Variants in PRSS23 observed in about 807,000 individuals in gnomAD.
PRSS23 encodes serine protease 23, also known as protease, serine 23.
In PRSS23, 25 loss-of-function variants were observed where a neutral mutation model predicts 34.7. The ratio of observed to expected loss-of-function variants is 0.72; its 90% CI spans 0.53 to 1.01. The LOEUF (loss-of-function observed/expected upper bound fraction) is 1.01. Among genes scored for constraint, PRSS23 ranks in the 50% least tolerant of loss-of-function variants. The pLI is 0.00. For missense variants in PRSS23, 445 were observed against 475.6 expected (o/e 0.94, Z 0.60); for synonymous variants, 176 against 186.6 (o/e 0.94, Z 0.46).
chr11:86,873,484 T>C (rs943470540), intron 2 of PRSS23, among the ~76,000 whole-genome samples: 3 of 151,672 alleles, frequency 2.0e-5, no homozygotes, highest in Non-Finnish European at 2.9e-5. Context: ...GGTTTTCCTA[T>C]GTTGGCCAGG....
chr11:86,937,881 C>T (rs1189583128), intron 2 of PRSS23: 2 of 152,122 alleles, frequency 1.3e-5, no homozygotes, highest in Admixed American at 6.5e-5. Flanking sequence ...GGTCTGGATC[C>T]GGACCCCTTT....
intron 2 of PRSS23, among the ~76,000 whole-genome samples, chr11:86,847,476 AG>A (rs1403542691): frequency 6.6e-6 from 1 of 152,200 alleles, no homozygotes; most frequent in Non-Finnish European, 1.5e-5. Flanking sequence ...TGGTAGATGG[AG>A]AGCTCAGGAA....
At chr11:86,931,940 A>G (rs1949128952) in intron 2 of PRSS23, among the ~76,000 whole-genome samples, 1 of 152,190 alleles carries the variant, frequency 6.6e-6, no homozygotes. Flanking sequence ...CAAATAAAAT[A>G]ACATGTATAA....
chr11:86,816,729 G>T (rs1445018594), intron 1 of PRSS23, among the ~76,000 whole-genome samples: 1 of 152,096 alleles, frequency 6.6e-6, no homozygotes, highest in Admixed American at 6.5e-5. Flanking sequence ...ACACAGCGTT[G>T]GAATAGAAAT....
At chr11:86,939,165 C>A in intron 2 of PRSS23, 1 of 362,226 alleles carries the variant, frequency 2.8e-6, no homozygotes, top group Non-Finnish European at 5.4e-6. Context: ...TCTCAGGATT[C>A]CTGGGCATTA....
chr11:86,868,321 G>A (rs1355004519), intron 2 of PRSS23, among the ~76,000 whole-genome samples: 1 of 152,158 alleles, frequency 6.6e-6, no homozygotes, highest in Non-Finnish European at 1.5e-5. Flanking sequence ...ATCTCCTTCT[G>A]GGTTCCATGT....
rs910644417 is a variant in PRSS23 at position 86,826,725 on chromosome 11, G to T, written c.206+3132G>T. Among the ~76,000 whole-genome samples, 4 of 152,092 alleles carry T rather than the reference G, an allele frequency of 2.6e-5. No homozygotes were observed. In the East Asian group the frequency reaches 7.7e-4, roughly 29 times the overall value. Reference sequence around the variant, plus strand: ...GAAGCATTGTTGAATTTTGTCAAAGGCCTTTTCTGCATCTATTGAGATAAT... The same window carrying T: ...GAAGCATTGTTGAATTTTGTCAAAGTCCTTTTCTGCATCTATTGAGATAAT... On this transcript the variant is annotated intron_variant, in intron 2 of 2. Coordinates refer to the PRSS23 transcript ENST00000533902.
chr11:86,889,035 C>T (rs546569025), intron 2 of PRSS23, among the ~76,000 whole-genome samples: 1 of 152,308 alleles, frequency 6.6e-6, no homozygotes, highest in South Asian at 2.1e-4. Context: ...GTGCCTGTTC[C>T]TAATCCTTGG....
At chr11:86,952,375 G>C in exon 3 of PRSS23, 1 of 1,614,216 alleles carries the variant, frequency 6.2e-7, no homozygotes, top group Non-Finnish European at 8.5e-7. Context: ...CGGGTTCACA[G>C]CGTCTCTTGA....
upstream of PRSS23, among the ~76,000 whole-genome samples, chr11:86,796,229 G>A (rs1391147598): frequency 3.3e-5 from 5 of 152,162 alleles, no homozygotes. Flanking sequence ...ACTGGGCAGA[G>A]GTCACAGCTG....
At chr11:86,815,654 G>T (rs900122291), downstream of PRSS23, among the ~76,000 whole-genome samples, 1 of 152,200 alleles carries the variant, frequency 6.6e-6, no homozygotes, top group Non-Finnish European at 1.5e-5. Flanking sequence ...AGCCTTGCAA[G>T]AGCAGGGGCT....
chr11:86,927,850 G>A (rs1778503648), intron 2 of PRSS23, among the ~76,000 whole-genome samples: 1 of 151,978 alleles, frequency 6.6e-6, no homozygotes, highest in South Asian at 2.1e-4. Flanking sequence ...CTACTCAGGG[G>A]CTGAGGCTTA....
intron 2 of PRSS23, among the ~76,000 whole-genome samples, chr11:86,845,870 T>C (rs1018485378): frequency 6.6e-6 from 1 of 152,182 alleles, no homozygotes; most frequent in African/African-American, 2.4e-5. Context: ...AAAAGTACTT[T>C]GTAAGGTCCT....
In PRSS23 at chr11:86,810,113, CAT is replaced by C. The variant is rs1407196006; in HGVS notation, c.*1319_*1320del. On this transcript the variant is annotated 3_prime_UTR_variant, in exon 2 of 2. Transcript: ENST00000280258. ...ATGCCTTCCAATAAAGGCCTTTACA[CAT>C]GTTTTATCAATATGATTATCAAATC... The C allele has an allele frequency of 2.4e-5, 4 of 165,694 alleles. No individual in the cohort carries two copies. In the East Asian group the frequency reaches 7.7e-4, roughly 32 times the overall value. The allele number at this position is 165,694 out of a possible 1,614,324, so 10.3% of individuals were successfully genotyped here.
At chr11:86,799,131 G>A (rs1012690942), upstream of PRSS23, among the ~76,000 whole-genome samples, 2 of 152,286 alleles carry the variant, frequency 1.3e-5, no homozygotes, top group African/African-American at 2.4e-5. Flanking sequence ...AGTGACTCAC[G>A]CGTGTAATAC....
chr11:86,899,750 T>G (rs1234646904), intron 2 of PRSS23, among the ~76,000 whole-genome samples: 1 of 151,426 alleles, frequency 6.6e-6, no homozygotes, highest in Non-Finnish European at 1.5e-5. Context: ...TCGCCTGACC[T>G]CGTGATCCAC....
intron 2 of PRSS23, among the ~76,000 whole-genome samples, chr11:86,840,440 A>T (rs1417020099): frequency 1.3e-5 from 2 of 152,252 alleles, no homozygotes; most frequent in Non-Finnish European, 2.9e-5. Flanking sequence ...ATATGCACCC[A>T]ATACAGGAGC....
At chr11:86,839,562 G>A (rs1249436868) in intron 2 of PRSS23, among the ~76,000 whole-genome samples, 1 of 152,112 alleles carries the variant, frequency 6.6e-6, no homozygotes, top group African/African-American at 2.4e-5. Flanking sequence ...CCCTAACGTA[G>A]CAAGGCAGGC....
chr11:86,823,629 T>G (rs1244425473), intron 2 of PRSS23: 1 of 699,238 alleles, frequency 1.4e-6, no homozygotes, highest in East Asian at 2.7e-5. Context: ...AGCAGTGTGC[T>G]TAATGGTGCT....
Sources: gnomAD v4.1 joint callset for allele counts (sites outside exome capture counted in the v4.1 genomes callset) on GRCh38, gnomAD v4.1.1 for gene constraint, MANE v1.5 for transcripts, NCBI Gene and HGNC (gene_info 2026-07-23, HGNC 2026-07-21) for gene names.